Variants in IFNAR1 observed in about 807,000 individuals in gnomAD.
The protein encoded by IFNAR1 is interferon alpha/beta receptor 1.
IFNAR1 carries 47 observed loss-of-function variants against 62.1 expected under a neutral mutation model. The ratio of observed to expected loss-of-function variants is 0.76; its 90% CI spans 0.60 to 0.97. IFNAR1 has a LOEUF of 0.97. Among genes scored for constraint, IFNAR1 ranks in the 50% least tolerant of loss-of-function variants. The probability of loss-of-function intolerance (pLI) is 0.00; values close to 1 mark genes in which losing one functional copy is unlikely to be tolerated. For missense variants in IFNAR1, 638 were observed against 654.5 expected (o/e 0.97, Z 0.27); for synonymous variants, 219 against 226.9 (o/e 0.97, Z 0.31).
chr21:33,345,003 G>A (rs112453727), intron 5 of IFNAR1, among the ~76,000 whole-genome samples: 4 of 152,000 alleles, frequency 2.6e-5, no homozygotes, highest in East Asian at 1.9e-4. Context: ...GGCCAGGCGC[G>A]TCTCGAACTC....
intron 1 of IFNAR1, among the ~76,000 whole-genome samples, chr21:33,334,386 C>T (rs992471117): frequency 2.6e-5 from 4 of 152,060 alleles, no homozygotes; most frequent in African/African-American, 4.8e-5. Flanking sequence ...ATAACATGAT[C>T]AGCAGATTTC....
At chr21:33,337,788 A>G (rs1278388379) in intron 2 of IFNAR1, among the ~76,000 whole-genome samples, 2 of 151,312 alleles carry the variant, frequency 1.3e-5, no homozygotes, top group African/African-American at 2.4e-5. Context: ...GTATATGTAT[A>G]TGTATATACA....
chr21:33,334,636 C>G, intron 1 of IFNAR1: 1 of 674,058 alleles, frequency 1.5e-6, no homozygotes, highest in Non-Finnish European at 2.8e-6. Flanking sequence ...CAGATTCAGG[C>G]AGGTGCAATG....
intron 3 of IFNAR1, among the ~76,000 whole-genome samples, chr21:33,342,660 C>T (rs1261577217): frequency 1.4e-4 from 20 of 139,320 alleles, no homozygotes; most frequent in Admixed American, 3.1e-4. Context: ...CTGGCTAACA[C>T]GGTGAAACCC....
intron 1 of IFNAR1, 48 bp from the exon 2 acceptor site, chr21:33,335,476 A>C: frequency 3.7e-6 from 4 of 1,083,828 alleles, no homozygotes; most frequent in Non-Finnish European, 5.5e-6. Flanking sequence ...CATTTAGAAT[A>C]TCTGTACAGT....
In IFNAR1 at chr21:33,349,168, C is replaced by T. The variant is rs141681155; in HGVS notation, c.866C>T (p.Thr289Ile). Reference sequence around the variant, plus strand: ...CCTGACTGTGAAAATGTCAAAACTACCCAGTGTGTCTTTCCTCAAAACGTT... The same window carrying T: ...CCTGACTGTGAAAATGTCAAAACTATCCAGTGTGTCTTTCCTCAAAACGTT... ...QIPDCENVKT[T>I]QCVFPQNVFQ... The change falls in exon 7 of 11, where the codon ACC becomes ATC. Residue 289 changes from threonine (T) to isoleucine (I), a missense_variant. Thr to Ile is a moderately conservative substitution (Grantham distance 89). Transcript: ENST00000270139. 4.7e-4 allele frequency: 754 copies of T among 1,612,594 alleles called. 1 individual carries two copies. Among genetic ancestry groups the T allele is most frequent in the Non-Finnish European group, 5.4e-4 (632 of 1,178,856 alleles).
chr21:33,351,938 C>T (rs1179776579), intron 8 of IFNAR1, among the ~76,000 whole-genome samples: 1 of 151,924 alleles, frequency 6.6e-6, no homozygotes, highest in Non-Finnish European at 1.5e-5. Flanking sequence ...CTCCAGTGAT[C>T]CTCCTGCTTG....
chr21:33,333,803 T>G (rs922370854), intron 1 of IFNAR1, among the ~76,000 whole-genome samples: 18 of 151,858 alleles, frequency 1.2e-4, no homozygotes, highest in African/African-American at 4.1e-4. Flanking sequence ...TTTTGTATTT[T>G]TAGTAGAGAC....
chr21:33,358,927 G>T lies in IFNAR1; in HGVS notation c.*3378G>T, dbSNP rs1338809249. On this transcript the variant is annotated 3_prime_UTR_variant, in exon 11 of 11. Coordinates refer to ENST00000270139, the MANE Select transcript of IFNAR1 (RefSeq NM_000629.3). ...GCAGCAGCCTCAAATTGCTCTTAAG[G>T]GGTTTAGGTGTGCAGAAGCTTTCCT... The T allele has an allele frequency of 6.6e-6, 1 of 151,944 alleles. No individual in the cohort carries two copies. The highest frequency in any genetic ancestry group is 2.4e-5 in the African/African-American group (1 of 41,366). The allele number at this position is 151,944 out of a possible 1,614,324, so 9.4% of individuals were successfully genotyped here. A position where few individuals can be genotyped will look rare whatever the true frequency, so the allele number is the denominator to read the frequency against.
chr21:33,334,538 G>A, intron 1 of IFNAR1: 1 of 467,728 alleles, frequency 2.1e-6, no homozygotes, highest in East Asian at 5.3e-5. Flanking sequence ...AGCTAAGGGA[G>A]TTCATTACCG....
At chr21:33,324,883 C>T (rs1476481394), upstream of IFNAR1, 8 of 371,880 alleles carry the variant, frequency 2.2e-5, no homozygotes, top group Admixed American at 5.0e-5. Flanking sequence ...GGCGCGTGCG[C>T]GGAGGGGCGG....
Position 33,352,836 on chromosome 21 carries a change from GCACA to G in IFNAR1, c.1226_1229del (p.His409ProfsTer6), listed in dbSNP as rs1568933386. ...GACTGTATATTGTGTGAAAGCCAGA[GCACA>G]CACCATGGATGAAAAGCTGAATAAA... On this transcript the variant is annotated frameshift_variant, in exon 9 of 11. Transcript: ENST00000270139. LOFTEE classifies it high-confidence loss of function. The G allele has an allele frequency of 6.2e-7, 1 of 1,605,292 alleles. No homozygotes were observed. Among genetic ancestry groups the G allele is most frequent in the Admixed American group, 1.7e-5 (1 of 59,960 alleles).
chr21:33,355,264 T>A (rs2083435977), intron 10 of IFNAR1, 52 bp from the exon 11 acceptor site: 2 of 910,722 alleles, frequency 2.2e-6, no homozygotes, highest in South Asian at 3.8e-5. Flanking sequence ...AGAAAAGGAA[T>A]TTTTATTATT....
Position 33,357,502 on chromosome 21 carries a change from C to CA in IFNAR1, c.*1954dup, listed in dbSNP as rs1420212701. The CA allele has an allele frequency of 6.6e-6, 1 of 151,546 alleles. No homozygotes were observed. Among genetic ancestry groups the CA allele is most frequent in the Admixed American group, 6.6e-5 (1 of 15,186 alleles). The allele number at this position is 151,546 out of a possible 1,614,324, so 9.4% of individuals were successfully genotyped here. The stretch of plus-strand genomic sequence containing the variant: ...TCTCTGCCGGAGAACCCCATGGTGA[C>CA]ACATTTTCATCTTTCTGACCAGAGG... On this transcript the variant is annotated 3_prime_UTR_variant, in exon 11 of 11. Coordinates refer to ENST00000270139, the MANE Select transcript of IFNAR1 (RefSeq NM_000629.3).
intron 8 of IFNAR1, among the ~76,000 whole-genome samples, chr21:33,352,063 G>T (rs1361880536): frequency 6.6e-6 from 1 of 151,986 alleles, no homozygotes; most frequent in Non-Finnish European, 1.5e-5. Context: ...ATAGATCAGG[G>T]AATCAGGTAG....
At chr21:33,354,143 G>A (rs940882225) in intron 10 of IFNAR1, among the ~76,000 whole-genome samples, 1 of 152,176 alleles carries the variant, frequency 6.6e-6, no homozygotes, top group South Asian at 2.1e-4. Flanking sequence ...AGGAGTTCGA[G>A]ACCAGCCTGG....
Position 33,357,541 on chromosome 21 carries a change from T to TTTTTTTTTTTTTTTTTTTTTC in IFNAR1, c.*1996_*1997insTTTTTTTTTTTTTTTTCTTTT, listed in dbSNP as rs1266408454. ...TCTGACCAGAGGCTGTTTTTTTTTT[T>TTTTTTTTTTTTTTTTTTTTTC]TTTTGAGACAGTCTCATTCTGTTGC... On this transcript the variant is annotated 3_prime_UTR_variant, in exon 11 of 11. Coordinates refer to ENST00000270139, the MANE Select transcript of IFNAR1 (RefSeq NM_000629.3). 6.6e-6 allele frequency: 1 copy of TTTTTTTTTTTTTTTTTTTTTC among 151,676 alleles called. No homozygotes were observed. Among genetic ancestry groups the TTTTTTTTTTTTTTTTTTTTTC allele is most frequent in the African/African-American group, 2.4e-5 (1 of 41,034 alleles). The allele number at this position is 151,676 out of a possible 1,614,324, so 9.4% of individuals were successfully genotyped here. A position where few individuals can be genotyped will look rare whatever the true frequency, so the allele number is the denominator to read the frequency against.
chr21:33,340,067 T>G (rs1020946665), intron 2 of IFNAR1, among the ~76,000 whole-genome samples: 4 of 152,152 alleles, frequency 2.6e-5, no homozygotes, highest in Non-Finnish European at 5.9e-5. Flanking sequence ...TTTTCATGTT[T>G]GCCCCTTTTT....
At chr21:33,346,548 A>C (rs1351176969) in intron 6 of IFNAR1, among the ~76,000 whole-genome samples, 1 of 152,230 alleles carries the variant, frequency 6.6e-6, no homozygotes, top group Non-Finnish European at 1.5e-5. Flanking sequence ...TAATAGGGTC[A>C]CCAAATAGAT....
Sources: gnomAD v4.1 joint callset for allele counts (sites outside exome capture counted in the v4.1 genomes callset) on GRCh38, gnomAD v4.1.1 for gene constraint, MANE v1.5 for transcripts, NCBI Gene and HGNC (gene_info 2026-07-23, HGNC 2026-07-21) for gene names.